Variants in C2CD5 observed in about 807,000 individuals in gnomAD.
C2CD5 encodes C2 calcium dependent domain containing 5.
C2CD5 carries 109 observed loss-of-function variants against 130.3 expected under a neutral mutation model. That is an observed-to-expected ratio of 0.84 (90% CI 0.72 to 0.98). The LOEUF is 0.98. C2CD5 is among the 50% of genes least tolerant of loss of function. C2CD5 has a pLI of 0.00. For synonymous variants in C2CD5, 454 were observed against 429.2 expected (o/e 1.06, Z -0.71); for missense variants, 996 against 1,261.8 (o/e 0.79, Z 3.19).
At position 22,509,202 on chromosome 12, in the gene C2CD5, A is replaced by G. The variant is rs926679224; in HGVS notation, c.1039-2383T>C. Among the ~76,000 whole-genome samples, 20 of 152,250 alleles carry G rather than the reference A, an allele frequency of 1.3e-4. 1 individual carries two copies. The highest frequency in any genetic ancestry group is 2.5e-4 in the Non-Finnish European group (17 of 68,038). On this transcript the variant is annotated intron_variant, in intron 9 of 26. Transcript: ENST00000446597. ...CTTAAATCTTTTAAATATCTAGACA[A>G]GAGATACTGAAAATAACATTTTTGT...
At chr12:22,538,991 AT>A (rs1952085000) in intron 2 of C2CD5, among the ~76,000 whole-genome samples, 1 of 152,148 alleles carries the variant, frequency 6.6e-6, no homozygotes, top group South Asian at 2.1e-4. Flanking sequence ...CTACTGGATT[AT>A]TCCTATTAGC....
intron 1 of C2CD5, 30 bp from the exon 2 acceptor site, chr12:22,544,209 G>A (rs925870316): frequency 7.7e-6 from 12 of 1,549,318 alleles, no homozygotes; most frequent in African/African-American, 5.5e-5. Flanking sequence ...AGTCTGCGCC[G>A]AGCGCGGGGC....
chr12:22,519,271 A>G (rs952837670), intron 7 of C2CD5: 1 of 1,527,522 alleles, frequency 6.5e-7, no homozygotes, highest in Non-Finnish European at 8.8e-7. Context: ...GTGGAAGAAA[A>G]GAAAACAATA....
At position 22,519,178 on chromosome 12, in the gene C2CD5, T is replaced by C. The variant is rs1457992182; in HGVS notation, c.801-1041A>G. ...TGAGTAAGTCGTGAGCCAGTAGCAG[T>C]GTGAATTGGGCTGTTGTGAGTCGAG... On this transcript the variant is annotated intron_variant, in intron 7 of 26. Coordinates refer to ENST00000446597, the MANE Select transcript of C2CD5 (RefSeq NM_001286176.2). 11 of 1,535,502 alleles carry C rather than the reference T, an allele frequency of 7.2e-6. No homozygotes were observed. The South Asian group carries it at 1.2e-4, about 17-fold the overall frequency.
chr12:22,483,561 C>CA (rs1169590318), intron 13 of C2CD5, among the ~76,000 whole-genome samples: 5 of 151,144 alleles, frequency 3.3e-5, no homozygotes, highest in Admixed American at 2.0e-4. Flanking sequence ...TTCAGACAGA[C>CA]AAAAAAAATA....
chr12:22,466,805 T>C (rs1591965732), intron 22 of C2CD5, among the ~76,000 whole-genome samples: 2 of 152,194 alleles, frequency 1.3e-5, no homozygotes, highest in South Asian at 2.1e-4. Context: ...GAAAAGCACA[T>C]AGGTTTCACA....
intron 5 of C2CD5, among the ~76,000 whole-genome samples, chr12:22,524,863 A>C (rs1382573626): frequency 1.3e-5 from 2 of 152,200 alleles, no homozygotes; most frequent in Non-Finnish European, 2.9e-5. Context: ...AGTAAATATA[A>C]ACTGCATTTG....
rs192883770 is a variant in C2CD5, at chr12:22,486,978, C to G, written c.1359-2090G>C. ...GAAAGGATTCCCTATTTAATAAATGCTGCTGGGAAAACCGGCTAGCCATAT... is the reference window on the plus strand; with the variant it reads ...GAAAGGATTCCCTATTTAATAAATGGTGCTGGGAAAACCGGCTAGCCATAT... On this transcript the variant is annotated intron_variant, in intron 12 of 26. Coordinates refer to ENST00000446597, the MANE Select transcript of C2CD5 (RefSeq NM_001286176.2). 1.6e-4 allele frequency among the ~76,000 whole-genome samples: 25 copies of G among 152,232 alleles called. No individual in the cohort carries two copies. In the East Asian group the frequency reaches 3.1e-3, roughly 19 times the overall value.
intron 8 of C2CD5, among the ~76,000 whole-genome samples, chr12:22,515,383 A>G (rs1455989072): frequency 6.6e-6 from 1 of 152,148 alleles, no homozygotes; most frequent in East Asian, 1.9e-4. Context: ...ACATTCATTA[A>G]AATTTTTTAA....
intron 3 of C2CD5, among the ~76,000 whole-genome samples, chr12:22,533,845 T>C (rs778781138): frequency 1.3e-5 from 2 of 152,208 alleles, no homozygotes; most frequent in African/African-American, 2.4e-5. Context: ...CTTCAACAAA[T>C]GTGCCCAAAC....
intron 4 of C2CD5, among the ~76,000 whole-genome samples, 183 bp downstream of exon 4, chr12:22,527,538 G>A (rs1370603650): frequency 6.6e-6 from 1 of 151,420 alleles, no homozygotes; most frequent in Non-Finnish European, 1.5e-5. Context: ...GGCTGGTCTC[G>A]AACTCCCGAC....
intron 14 of C2CD5, among the ~76,000 whole-genome samples, chr12:22,479,451 T>C (rs1319708747): frequency 1.3e-5 from 2 of 151,920 alleles, no homozygotes; most frequent in Non-Finnish European, 2.9e-5. Flanking sequence ...AAAAAATAAA[T>C]TTTTCATGAA....
chr12:22,484,971 AC>A, intron 12 of C2CD5, 83 bp from the exon 13 acceptor site: 1 of 599,156 alleles, frequency 1.7e-6, no homozygotes, highest in Non-Finnish European at 2.7e-6. Context: ...GATATTACAT[AC>A]ACAGTACTTG....
In C2CD5 at chr12:22,470,851, T is replaced by C; in HGVS notation, c.2419A>G (p.Thr807Ala). The C allele has an allele frequency of 1.2e-6, 2 of 1,610,470 alleles. No homozygotes were observed. The highest frequency in any genetic ancestry group is 1.7e-6 in the Non-Finnish European group (2 of 1,177,138). Reference protein sequence around the residue: ...DKNQALQTTKTPVEKSLQRAS... With the variant: ...DKNQALQTTKAPVEKSLQRAS... The stretch of plus-strand genomic sequence containing the variant: ...CTTTGCAATGACTTTTCAACAGGGG[T>C]TTTTGTGGTTTGTAAAGCCTGATTT... The change falls in exon 21 of 27, where the codon ACC (threonine) becomes GCC (alanine). Residue 807 changes from threonine to alanine, a missense_variant. This residue lies in a region of C2CD5 where 590 missense variants were observed against 631.4 expected (regional missense o/e 0.93). Coordinates refer to ENST00000446597, the MANE Select transcript of C2CD5 (RefSeq NM_001286176.2).
At chr12:22,450,802 A>C (rs753372164) in intron 26 of C2CD5, among the ~76,000 whole-genome samples, 2 of 152,050 alleles carry the variant, frequency 1.3e-5, no homozygotes, top group Non-Finnish European at 2.9e-5. Context: ...TACTGAAAAT[A>C]ACCTAAATAT....
In C2CD5 at chr12:22,476,485, T is replaced by A. The variant is rs2136233181; in HGVS notation, c.1903-1594A>T. On this transcript the variant is annotated intron_variant, in intron 15 of 26. Coordinates refer to ENST00000446597, the MANE Select transcript of C2CD5 (RefSeq NM_001286176.2). ...CACATGAAATTCATATATGTTAAAA[T>A]TTTTAAAATCATAATAGATTTACTC... Among the ~76,000 whole-genome samples, 4 of 152,222 alleles carry A rather than the reference T, an allele frequency of 2.6e-5. 1 individual carries two copies. The Middle Eastern group carries it at 0.014, about 518-fold the overall frequency.
At chr12:22,456,438 C>T (rs1939883446) in intron 25 of C2CD5, among the ~76,000 whole-genome samples, 1 of 152,110 alleles carries the variant, frequency 6.6e-6, no homozygotes, top group Non-Finnish European at 1.5e-5. Flanking sequence ...TAAAATATTA[C>T]AACTTGTTAT....
chr12:22,487,382 G>A (rs1945683620), intron 12 of C2CD5, among the ~76,000 whole-genome samples: 1 of 152,192 alleles, frequency 6.6e-6, no homozygotes, highest in Non-Finnish European at 1.5e-5. Context: ...CCATCAAAAA[G>A]TAGGTGAAGG....
intron 7 of C2CD5, among the ~76,000 whole-genome samples, chr12:22,520,511 T>C (rs1177286223): frequency 2.6e-5 from 4 of 152,152 alleles, no homozygotes; most frequent in Non-Finnish European, 5.9e-5. Flanking sequence ...TTAAAAGGTA[T>C]TTACTATAAT....
Sources: allele counts gnomAD v4.1 joint callset (sites outside exome capture counted in the v4.1 genomes callset), GRCh38; gene constraint gnomAD v4.1.1; regional missense constraint gnomAD v4.1.1; transcripts MANE v1.5; gene names NCBI Gene and HGNC (gene_info 2026-07-23, HGNC 2026-07-21).